FRRS1: variants seen among roughly 807,000 people sequenced by gnomAD.
FRRS1 encodes the protein ferric chelate reductase 1, also known as ferric reductase 1.
In FRRS1, 51 loss-of-function variants were observed where a neutral mutation model predicts 70.7. The observed-to-expected ratio is 0.72, with a 90% CI of 0.58 to 0.91. FRRS1 has a LOEUF of 0.91. FRRS1 is among the 40% of genes least tolerant of loss of function. The pLI is 0.00. For missense variants in FRRS1, 672 were observed against 726.0 expected (o/e 0.93, Z 0.86); for synonymous variants, 225 against 238.7 (o/e 0.94, Z 0.53).
At position 99,708,841 on chromosome 1, in the gene FRRS1, A is replaced by G; in HGVS notation, c.*187T>C. ...TACATATAGGGCATGACATTAATTT[A>G]TAGTCTATATGACCCTCTTGAATGT... is the stretch of plus-strand genomic sequence containing the variant. On this transcript the variant is annotated 3_prime_UTR_variant, in exon 17 of 17. Transcript: ENST00000646001. 1.0e-5 allele frequency: 12 copies of G among 1,183,746 alleles called. No homozygotes were observed. The highest frequency in any genetic ancestry group is 1.5e-5 in the Non-Finnish European group (12 of 801,514). 73.3% of individuals were successfully genotyped at this position (1,183,746 alleles called of 1,614,324 possible).
intron 1 of FRRS1, among the ~76,000 whole-genome samples, chr1:99,764,481 TA>T (rs1399220878): frequency 3.7e-4 from 57 of 152,306 alleles, no homozygotes; most frequent in African/African-American, 1.3e-3. Flanking sequence ...GGTGGTTAGA[TA>T]TTTTCTTTTT....
At chr1:99,741,437 C>T (rs1275111882) in intron 5 of FRRS1, among the ~76,000 whole-genome samples, 1 of 152,162 alleles carries the variant, frequency 6.6e-6, no homozygotes, top group Non-Finnish European at 1.5e-5. Context: ...GTGTTGGGGA[C>T]CCACGCACAA....
chr1:99,738,223 G>T lies in FRRS1; in HGVS notation c.622C>A (p.Pro208Thr), dbSNP rs139579582. The T allele has an allele frequency of 1.2e-5, 20 of 1,613,648 alleles. No homozygotes were observed. In the African/African-American group the frequency reaches 2.5e-4, roughly 20 times the overall value. The change falls in exon 7 of 17, where the codon CCT (proline) becomes ACT (threonine). Residue 208 changes from proline (P) to threonine (T), a missense_variant. Pro to Thr is a conservative substitution (Grantham distance 38). Coordinates refer to ENST00000646001, the MANE Select transcript of FRRS1 (RefSeq NM_001361041.2). ...TCCTTCTCTGGGTCACAGTTCAAAGGACTCCTAATACAGAACTTCTTGTTC... is the reference window on the plus strand; with the variant it reads ...TCCTTCTCTGGGTCACAGTTCAAAGTACTCCTAATACAGAACTTCTTGTTC... ...CGNKKFCIRS[P>T]LNCDPEKEAS... is the part of the protein sequence containing the mutation.
At chr1:99,760,689 G>A (rs751169426) in intron 1 of FRRS1, among the ~76,000 whole-genome samples, 8 of 152,002 alleles carry the variant, frequency 5.3e-5, no homozygotes, top group Non-Finnish European at 1.0e-4. Context: ...TCGCTCTGTC[G>A]CCCAGGCTGG....
intron 12 of FRRS1, among the ~76,000 whole-genome samples, chr1:99,714,679 TG>T (rs1178102460): frequency 6.6e-6 from 1 of 152,146 alleles, no homozygotes; most frequent in Non-Finnish European, 1.5e-5. Flanking sequence ...GTAGAGCCAG[TG>T]GAACTTCCCA....
Position 99,708,957 on chromosome 1 carries a change from G to A in FRRS1, c.*71C>T. The A allele has an allele frequency of 6.2e-7, 1 of 1,613,938 alleles. No individual in the cohort carries two copies. Among genetic ancestry groups the A allele is most frequent in the East Asian group, 2.2e-5 (1 of 44,866 alleles). ...TCACAAATATGCTCCAGGCAGTCAG[G>A]ACAGGCTTCAAGTTTCTTTGGTTTG... On this transcript the variant is annotated 3_prime_UTR_variant, in exon 17 of 17. Transcript: ENST00000646001.
At chr1:99,761,190 A>C (rs572055396) in intron 1 of FRRS1, among the ~76,000 whole-genome samples, 2 of 151,982 alleles carry the variant, frequency 1.3e-5, no homozygotes, top group African/African-American at 2.4e-5. Flanking sequence ...GCAGTGGTGC[A>C]ATCTCGGCTC....
chr1:99,716,887 A>G (rs1557685021), intron 11 of FRRS1, among the ~76,000 whole-genome samples: 1 of 152,208 alleles, frequency 6.6e-6, no homozygotes. Flanking sequence ...AAGGAAGAGC[A>G]TGAAAAATAA....
Position 99,712,121 on chromosome 1 carries a change from A to C in FRRS1, c.1464T>G (p.Ala488=). Residue 488 remains alanine, a synonymous_variant, in exon 14 of 17, where the codon GCT becomes GCG. Transcript: ENST00000646001. ...FNWTHWSMGT[A]ARIIAVAAMF... ...ATCTCTTACCTGCTATTATTCTAGC[A>C]GCTGTTCCCATACTCCAATGAGTCC... is the stretch of plus-strand genomic sequence containing the variant. 1.2e-6 allele frequency: 2 copies of C among 1,608,986 alleles called. No individual in the cohort carries two copies. Among genetic ancestry groups the C allele is most frequent in the East Asian group, 2.2e-5 (1 of 44,756 alleles).
intron 11 of FRRS1, 99 bp from the exon 12 acceptor site, chr1:99,715,771 C>T: frequency 2.8e-6 from 2 of 711,758 alleles, no homozygotes; most frequent in South Asian, 1.7e-5. Context: ...GGGTAAGATT[C>T]ACTGAAGGCA....
At chr1:99,718,187 C>T (rs1654626238) in intron 10 of FRRS1, among the ~76,000 whole-genome samples, 1 of 152,152 alleles carries the variant, frequency 6.6e-6, no homozygotes, top group Non-Finnish European at 1.5e-5. Context: ...CCCCAAAACA[C>T]TAAGAGTTTA....
intron 6 of FRRS1, among the ~76,000 whole-genome samples, chr1:99,739,004 A>G (rs1169457197): frequency 2.6e-5 from 4 of 152,216 alleles, no homozygotes; most frequent in Non-Finnish European, 5.9e-5. Flanking sequence ...ATTTCAGAAG[A>G]GAGCTAAACA....
At chr1:99,744,969 CAAAAAAAAA>C (rs71075450) in intron 4 of FRRS1, among the ~76,000 whole-genome samples, 2 of 91,746 alleles carry the variant, frequency 2.2e-5, no homozygotes, top group Admixed American at 1.3e-4. Flanking sequence ...GACTCCGTCT[CAAAAAAAAA>C]AAAAAAAAAA....
At chr1:99,713,997 C>G (rs1229059052) in intron 12 of FRRS1, among the ~76,000 whole-genome samples, 1 of 151,934 alleles carries the variant, frequency 6.6e-6, no homozygotes, top group Non-Finnish European at 1.5e-5. Flanking sequence ...CCTGGCATGT[C>G]TGCATACCAA....
chr1:99,760,864 T>C (rs1184852534), intron 1 of FRRS1, among the ~76,000 whole-genome samples: 2 of 152,138 alleles, frequency 1.3e-5, no homozygotes, highest in Admixed American at 6.6e-5. Flanking sequence ...TTGGCCAGGC[T>C]GGTCTTGAAC....
chr1:99,731,822 G>T (rs557783329), intron 7 of FRRS1, among the ~76,000 whole-genome samples: 1 of 151,994 alleles, frequency 6.6e-6, no homozygotes, highest in South Asian at 2.1e-4. Context: ...TTTGAACCCC[G>T]ATTTATTTTT....
intron 12 of FRRS1, among the ~76,000 whole-genome samples, chr1:99,713,914 A>T (rs1221168368): frequency 1.3e-5 from 2 of 152,146 alleles, no homozygotes; most frequent in Non-Finnish European, 2.9e-5. Flanking sequence ...AACTTGAGGA[A>T]GGTGAGGGAG....
At chr1:99,726,379 C>T (rs1655081129) in intron 9 of FRRS1, among the ~76,000 whole-genome samples, 1 of 152,148 alleles carries the variant, frequency 6.6e-6, no homozygotes, top group Non-Finnish European at 1.5e-5. Flanking sequence ...CAGACTAATA[C>T]AGACACCAAA....
intron 7 of FRRS1, among the ~76,000 whole-genome samples, chr1:99,734,122 C>T (rs1655530984): frequency 6.6e-6 from 1 of 152,098 alleles, no homozygotes; most frequent in South Asian, 2.1e-4. Context: ...GATTAAGTAA[C>T]TGTTCTAAAG....
Sources: gnomAD v4.1 joint callset for allele counts (sites outside exome capture counted in the v4.1 genomes callset) on GRCh38, gnomAD v4.1.1 for gene constraint, MANE v1.5 for transcripts, NCBI Gene and HGNC (gene_info 2026-07-23, HGNC 2026-07-21) for gene names.